The following SCCPDH variants were observed in gnomAD, a reference collection of about 807,000 sequenced individuals.
SCCPDH encodes saccharopine dehydrogenase (putative).
SCCPDH carries 34 observed loss-of-function variants against 51.5 expected under a neutral mutation model. The observed-to-expected ratio is 0.66, with a 90% CI of 0.50 to 0.88. The LOEUF is 0.88. Ranked by LOEUF, SCCPDH falls within the 40% of genes least tolerant of loss-of-function variation. The pLI, the probability that SCCPDH is intolerant of heterozygous loss-of-function variation, is 0.00. For synonymous variants in SCCPDH, 187 were observed against 191.3 expected (o/e 0.98, Z 0.19); for missense variants, 464 against 527.1 (o/e 0.88, Z 1.17).
At position 246,724,504 on chromosome 1, in the gene SCCPDH, G is replaced by A; in HGVS notation, c.82G>A (p.Ala28Thr). Residue 28 changes from alanine (A) to threonine (T), a missense_variant, in exon 1 of 12, where the codon GCC becomes ACC. By Grantham distance (58) the Ala-to-Thr change is moderately conservative. Transcript: ENST00000366510. The stretch of plus-strand genomic sequence containing the variant: ...CGGCCAGTTCGTGACCGAGGAGGTG[G>A]CCCGGGAGCAGGTGGACCCGGAGCG... ...FTGQFVTEEV[A>T]REQVDPERSS... 6.3e-7 allele frequency: 1 copy of A among 1,575,306 alleles called. No homozygotes were observed. Among genetic ancestry groups the A allele is most frequent in the Non-Finnish European group, 8.6e-7 (1 of 1,163,936 alleles).
intron 5 of SCCPDH, among the ~76,000 whole-genome samples, chr1:246,752,001 T>TC (rs767132939): frequency 6.9e-4 from 105 of 151,576 alleles, no homozygotes; most frequent in Non-Finnish European, 1.2e-3. Flanking sequence ...CAGGATGGTC[T>TC]CATCTCCTGA....
intron 5 of SCCPDH, among the ~76,000 whole-genome samples, chr1:246,750,761 A>G (rs1267554334): frequency 6.6e-6 from 1 of 152,258 alleles, no homozygotes; most frequent in Non-Finnish European, 1.5e-5. Context: ...AAGGTGATCT[A>G]TTATTACTAA....
intron 5 of SCCPDH, among the ~76,000 whole-genome samples, chr1:246,754,479 C>A (rs1203411779): frequency 1.3e-5 from 2 of 152,232 alleles, no homozygotes; most frequent in Non-Finnish European, 2.9e-5. Flanking sequence ...AGCACTTGAA[C>A]ATAAATTTTT....
At chr1:246,740,352 G>A (rs3007322) in intron 4 of SCCPDH, 51 bp downstream of exon 4, 2 of 1,460,990 alleles carry the variant, frequency 1.4e-6, no homozygotes, top group African/African-American at 1.4e-5. Context: ...CCGTGCAAAG[G>A]CTTCATGTTT....
chr1:246,724,848 C>G (rs1668363351), intron 1 of SCCPDH, among the ~76,000 whole-genome samples: 1 of 151,246 alleles, frequency 6.6e-6, no homozygotes, highest in Non-Finnish European at 1.5e-5. Context: ...TTTTTTCTTT[C>G]CTTCTCCTCT....
intron 5 of SCCPDH, among the ~76,000 whole-genome samples, chr1:246,753,113 C>T (rs1234121667): frequency 6.6e-6 from 1 of 151,788 alleles, no homozygotes; most frequent in Non-Finnish European, 1.5e-5. Flanking sequence ...TCTTTCTCCT[C>T]TAGGATTTTT....
chr1:246,739,502 G>A (rs894298959), intron 3 of SCCPDH, among the ~76,000 whole-genome samples: 2 of 152,172 alleles, frequency 1.3e-5, no homozygotes, highest in South Asian at 4.1e-4. Context: ...TCCTGGATGG[G>A]ATCCTGGAGC....
intron 10 of SCCPDH, 45 bp from the exon 11 acceptor site, chr1:246,766,013 A>G (rs771276448): frequency 8.7e-6 from 9 of 1,028,688 alleles, no homozygotes; most frequent in South Asian, 1.4e-5. Context: ...TTGAATGGGT[A>G]CTTCATGATT....
chr1:246,733,825 A>G (rs1246726797), intron 2 of SCCPDH, among the ~76,000 whole-genome samples: 1 of 152,232 alleles, frequency 6.6e-6, no homozygotes, highest in South Asian at 2.1e-4. Flanking sequence ...AAATGTAGGC[A>G]AAGTGAAATT....
intron 5 of SCCPDH, among the ~76,000 whole-genome samples, chr1:246,747,453 A>T (rs888845087): frequency 6.6e-6 from 1 of 152,202 alleles, no homozygotes; most frequent in African/African-American, 2.4e-5. Flanking sequence ...TGAGGGGCCA[A>T]AGCATGTGGG....
At chr1:246,743,904 G>T (rs7513496) in intron 4 of SCCPDH, among the ~76,000 whole-genome samples, 172 bp from the exon 5 acceptor site, 25,306 of 152,144 alleles carry the variant, frequency 0.17, 3,316 homozygotes, top group African/African-American at 0.36. Flanking sequence ...TAGCTACTTC[G>T]TAAGTCTGTG....
chr1:246,742,820 T>C (rs1224894730), intron 4 of SCCPDH, among the ~76,000 whole-genome samples: 2 of 152,208 alleles, frequency 1.3e-5, no homozygotes, highest in Admixed American at 1.3e-4. Context: ...ATATTTTTCT[T>C]TTGCCTCAAT....
At chr1:246,737,361 G>A (rs1488740118) in intron 3 of SCCPDH, among the ~76,000 whole-genome samples, 1 of 151,898 alleles carries the variant, frequency 6.6e-6, no homozygotes, top group Non-Finnish European at 1.5e-5. Flanking sequence ...ACACACCTGT[G>A]GTCCCACCTA....
chr1:246,763,522 G>C (rs1209084587), intron 9 of SCCPDH, among the ~76,000 whole-genome samples: 1 of 152,042 alleles, frequency 6.6e-6, no homozygotes, highest in Non-Finnish European at 1.5e-5. Flanking sequence ...AAATGTGTTT[G>C]TGTGTGTGTA....
chr1:246,740,633 A>G (rs76105773), intron 4 of SCCPDH, among the ~76,000 whole-genome samples: 7,089 of 152,282 alleles, frequency 0.047, 551 homozygotes, highest in African/African-American at 0.16. Flanking sequence ...CATAATTTGT[A>G]TATTATAGTT....
intron 5 of SCCPDH, among the ~76,000 whole-genome samples, chr1:246,747,315 G>T (rs992299218): frequency 6.6e-6 from 1 of 152,130 alleles, no homozygotes; most frequent in African/African-American, 2.4e-5. Flanking sequence ...TAGTCATTTT[G>T]CTCATTCTTA....
chr1:246,729,682 A>G (rs750169519), intron 2 of SCCPDH, among the ~76,000 whole-genome samples: 13 of 152,238 alleles, frequency 8.5e-5, no homozygotes, highest in Non-Finnish European at 1.9e-4. Flanking sequence ...GAGGCAACAT[A>G]CATCCTCAGC....
chr1:246,737,306 A>T (rs368152568), intron 3 of SCCPDH, among the ~76,000 whole-genome samples: 1 of 150,710 alleles, frequency 6.6e-6, no homozygotes, highest in South Asian at 2.1e-4. Flanking sequence ...AGGTGGGAGG[A>T]TGACTTGAGC....
intron 5 of SCCPDH, among the ~76,000 whole-genome samples, chr1:246,744,738 C>T (rs1164258657): frequency 1.3e-5 from 2 of 152,138 alleles, no homozygotes; most frequent in African/African-American, 4.8e-5. Context: ...CCTTAGCCGC[C>T]TGAGTACCTG....
Sources: allele counts gnomAD v4.1 joint callset (sites outside exome capture counted in the v4.1 genomes callset), GRCh38; gene constraint gnomAD v4.1.1; transcripts MANE v1.5; gene names NCBI Gene and HGNC (gene_info 2026-07-23, HGNC 2026-07-21).